Variants in ME3 observed in about 807,000 individuals in gnomAD.
The protein encoded by ME3 is malic enzyme 3, also known as NADP-dependent malic enzyme, mitochondrial.
ME3 carries 48 observed loss-of-function variants against 68.9 expected under a neutral mutation model. The observed-to-expected ratio is 0.70, with a 90% CI of 0.55 to 0.89. The LOEUF (loss-of-function observed/expected upper bound fraction) is 0.89, where lower values mean the gene tolerates loss of function less well. ME3 is among the 40% of genes least tolerant of loss of function. ME3 has a pLI of 0.00. For synonymous variants in ME3, 320 were observed against 318.8 expected (o/e 1.00, Z -0.04); for missense variants, 675 against 797.4 (o/e 0.85, Z 1.85).
At chr11:86,618,067 G>A (rs1206766539) in intron 2 of ME3, among the ~76,000 whole-genome samples, 2 of 152,078 alleles carry the variant, frequency 1.3e-5, no homozygotes, top group South Asian at 2.1e-4. Context: ...GGGAGGCCAA[G>A]TTGGGCAGAT....
intron 2 of ME3, among the ~76,000 whole-genome samples, chr11:86,583,047 A>G (rs1958532770): frequency 1.3e-5 from 2 of 152,236 alleles, no homozygotes; most frequent in South Asian, 4.2e-4. Flanking sequence ...TTTATGGCTG[A>G]AAGTTTATGC....
intron 4 of ME3, among the ~76,000 whole-genome samples, chr11:86,541,420 AG>A (rs1196923493): frequency 7.2e-5 from 11 of 152,224 alleles, no homozygotes; most frequent in African/African-American, 2.7e-4. Context: ...CTGCCAGCAC[AG>A]CAGTCTGAAG....
chr11:86,597,859 G>A (rs757304489), intron 2 of ME3, among the ~76,000 whole-genome samples: 1 of 151,978 alleles, frequency 6.6e-6, no homozygotes, highest in Non-Finnish European at 1.5e-5. Flanking sequence ...TAACCTTAAG[G>A]TTATCATATC....
chr11:86,556,543 G>A lies in ME3; in HGVS notation c.467+10C>T, dbSNP rs200806582. The A allele has an allele frequency of 4.8e-5, 77 of 1,612,408 alleles. 1 individual carries two copies. The highest frequency in any genetic ancestry group is 6.7e-5 in the African/African-American group (5 of 74,998). ...GCCCCTCCCAGAGCCCTCACTCCAC[G>A]GGGGCTCACCGGGGCCTGCGGAAAG... is the stretch of plus-strand genomic sequence containing the variant. On this transcript the variant is annotated intron_variant, in intron 4 of 14. Coordinates refer to ENST00000543262, the Ensembl canonical transcript of ME3.
chr11:86,488,999 A>C (rs1208946471), intron 6 of ME3: 1 of 152,240 alleles, frequency 6.6e-6, no homozygotes, highest in African/African-American at 2.4e-5. Context: ...CTGAGAAGAC[A>C]GCACAAGGAA....
chr11:86,588,189 C>G (rs1274000725), intron 2 of ME3, among the ~76,000 whole-genome samples: 3 of 152,108 alleles, frequency 2.0e-5, no homozygotes, highest in Non-Finnish European at 4.4e-5. Context: ...GAGAGAGAGA[C>G]AAATAGTTTC....
intron 4 of ME3, among the ~76,000 whole-genome samples, chr11:86,533,672 G>A (rs10792855): frequency 1.1e-4 from 17 of 152,162 alleles, no homozygotes; most frequent in African/African-American, 2.4e-4. Context: ...AAAGCCAGAC[G>A]AGGACACTAC....
intron 2 of ME3, among the ~76,000 whole-genome samples, chr11:86,613,657 C>T (rs553426247): frequency 7.9e-5 from 12 of 152,226 alleles, no homozygotes; most frequent in African/African-American, 2.2e-4. Context: ...AAATCACAAC[C>T]ATTTCTTTAC....
At chr11:86,623,960 C>T (rs906921379) in intron 2 of ME3, among the ~76,000 whole-genome samples, 42 of 152,170 alleles carry the variant, frequency 2.8e-4, no homozygotes, top group Admixed American at 2.3e-3. Flanking sequence ...GCAGGCTTGA[C>T]GTACAACGTG....
rs143924379 is a variant in ME3, at chr11:86,568,414, C to T, written c.184-8591G>A. 1.8e-3 allele frequency among the ~76,000 whole-genome samples: 273 copies of T among 152,360 alleles called. 2 individuals carry two copies. The highest frequency in any genetic ancestry group is 6.4e-3 in the African/African-American group (266 of 41,576). ...CACTAAAGACCTGTGACCATTTCGACTGGTCAGTGCTTATGCCGAACCATT... is the reference window on the plus strand; with the variant it reads ...CACTAAAGACCTGTGACCATTTCGATTGGTCAGTGCTTATGCCGAACCATT... On this transcript the variant is annotated intron_variant, in intron 2 of 14. Transcript: ENST00000543262.
chr11:86,497,851 A>G (rs1952462505), intron 6 of ME3, 112 bp downstream of exon 6: 1 of 1,245,418 alleles, frequency 8.0e-7, no homozygotes, highest in Non-Finnish European at 1.1e-6. Context: ...GAGGATGCCA[A>G]GAAAGAAATG....
chr11:86,594,344 C>T (rs1294176220), intron 2 of ME3, among the ~76,000 whole-genome samples: 1 of 146,018 alleles, frequency 6.8e-6, no homozygotes, highest in African/African-American at 2.5e-5. Context: ...TCCATATATT[C>T]ACCTCATCAT....
intron 2 of ME3, among the ~76,000 whole-genome samples, chr11:86,564,996 A>G (rs1565146843): frequency 6.6e-6 from 1 of 152,248 alleles, no homozygotes; most frequent in Non-Finnish European, 1.5e-5. Context: ...ACAGCACAAC[A>G]AAAAGAAATA....
At chr11:86,580,358 GTATCTTC>G (rs1958368322) in intron 2 of ME3, among the ~76,000 whole-genome samples, 1 of 44,076 alleles carries the variant, frequency 2.3e-5, no homozygotes, top group Non-Finnish European at 3.7e-5. Context: ...TCTAAAACCT[GTATCTTC>G]TGGTAAGTAA....
Position 86,596,289 on chromosome 11 carries a change from C to A in ME3, c.184-36466G>T, listed in dbSNP as rs542520171. 9.2e-5 allele frequency among the ~76,000 whole-genome samples: 14 copies of A among 152,238 alleles called. No homozygotes were observed. In the South Asian group the frequency reaches 2.9e-3, roughly 32 times the overall value. ...TTTCTTTAGCTAATTTGAGAACATA[C>A]TGAATTTCAGTCTCTTTTGACTAGT... is the stretch of plus-strand genomic sequence containing the variant. On this transcript the variant is annotated intron_variant, in intron 2 of 14. Transcript: ENST00000543262.
Position 86,450,285 on chromosome 11 carries a change from C to G in ME3, c.1017+16G>C, listed in dbSNP as rs1314419806. 6.2e-7 allele frequency: 1 copy of G among 1,612,392 alleles called. No individual in the cohort carries two copies. The highest frequency in any genetic ancestry group is 1.3e-5 in the African/African-American group (1 of 74,880). The stretch of plus-strand genomic sequence containing the variant: ...CTCTTCCTGGAGCAACCAAAGAAAC[C>G]CTCAATGCCACATACCTCGCCTGCA... On this transcript the variant is annotated intron_variant, in intron 9 of 14. Transcript: ENST00000543262.
chr11:86,671,678 C>A (rs756272625), intron 2 of ME3, 84 bp downstream of exon 2: 5 of 1,528,306 alleles, frequency 3.3e-6, no homozygotes, highest in African/African-American at 1.4e-5. Context: ...CCGGGAGGAT[C>A]CTTTCTGGGT....
exon 4 of ME3, chr11:86,556,653 G>C: frequency 6.2e-7 from 1 of 1,614,098 alleles, no homozygotes; most frequent in East Asian, 2.2e-5. Flanking sequence ...GTCAGCACTC[G>C]GTAGAAGAGC....
In ME3 at chr11:86,646,765, T is replaced by C. The variant is rs1015742580; in HGVS notation, c.183+24997A>G. Among the ~76,000 whole-genome samples, 14 of 151,508 alleles carry C rather than the reference T, an allele frequency of 9.2e-5. No individual in the cohort carries two copies. The East Asian group carries it at 1.9e-3, about 21-fold the overall frequency. The stretch of plus-strand genomic sequence containing the variant: ...CACATAATCATCAGATTCACCAAGA[T>C]TGAAATGAAGGAAAAAATGTTAAGG... On this transcript the variant is annotated intron_variant, in intron 2 of 14. Transcript: ENST00000543262.
Sources: gnomAD v4.1 joint callset for allele counts (sites outside exome capture counted in the v4.1 genomes callset) on GRCh38, gnomAD v4.1.1 for gene constraint, MANE v1.5 for transcripts, NCBI Gene and HGNC (gene_info 2026-07-23, HGNC 2026-07-21) for gene names.